The following ACAN variants were observed in gnomAD, a reference collection of about 807,000 sequenced individuals.
ACAN encodes aggrecan, also known as aggrecan core protein.
Under a neutral mutation model 169.1 loss-of-function variants are expected in ACAN, and 47 were observed. That is an observed-to-expected ratio of 0.28 (90% CI 0.22 to 0.35). The LOEUF (loss-of-function observed/expected upper bound fraction) is 0.35. Among genes scored for constraint, ACAN ranks in the 10% least tolerant of loss-of-function variants. The probability of loss-of-function intolerance (pLI) is 1.00; values close to 1 mark genes in which losing one functional copy is unlikely to be tolerated. For synonymous variants in ACAN, 1,115 were observed against 1,112.2 expected (o/e 1.00, Z -0.05); for missense variants, 2,716 against 2,759.9 (o/e 0.98, Z 0.36).
Position 88,858,262 on chromosome 15 carries a change from G to A in ACAN, c.5677G>A (p.Glu1893Lys). ...CAGTGGGTTTACATCCCAGACTCCG[G>A]AATTCAGTGGCCTACCAAGTGGCAT... is the stretch of plus-strand genomic sequence containing the variant. ...DSSGFTSQTP[E>K]FSGLPSGIAE... Residue 1893 changes from glutamate to lysine, a missense_variant, in exon 12 of 19, where the codon GAA becomes AAA. Physicochemically the swap from Glu to Lys is moderately conservative, Grantham distance 56. Coordinates refer to ENST00000560601, the MANE Select transcript of ACAN (RefSeq NM_001369268.1). The surrounding 1 kb of genome is among the most constrained non-coding windows in gnomAD (Gnocchi z 4.0). The A allele has an allele frequency of 6.2e-7, 1 of 1,613,964 alleles. No homozygotes were observed. The highest frequency in any genetic ancestry group is 8.5e-7 in the Non-Finnish European group (1 of 1,179,906).
In ACAN at chr15:88,847,813, C is replaced by A. The variant is rs1011374427; in HGVS notation, c.1605-98C>A. 7.0e-6 allele frequency: 10 copies of A among 1,434,764 alleles called. No homozygotes were observed. In the African/African-American group the frequency reaches 1.3e-4, roughly 18 times the overall value. The allele number at this position is 1,434,764 out of a possible 1,614,324, so 88.9% of individuals were successfully genotyped here. A position where few individuals can be genotyped will look rare whatever the true frequency, so the allele number is the denominator to read the frequency against. On this transcript the variant is annotated intron_variant, in intron 8 of 18. Transcript: ENST00000560601. ...AATACCACCAGACAACTGAAGACAT[C>A]TCCAAGTCCCTGAGTAGCCTCTGGC...
At chr15:88,852,360 C>G (rs1280895585) in intron 11 of ACAN, among the ~76,000 whole-genome samples, 2 of 152,224 alleles carry the variant, frequency 1.3e-5, no homozygotes, top group African/African-American at 4.8e-5. Flanking sequence ...CCTGCACTGA[C>G]ACCCTTACCC....
In ACAN at chr15:88,855,185, G is replaced by A; in HGVS notation, c.2600G>A (p.Ser867Asn). 6.2e-7 allele frequency: 1 copy of A among 1,608,040 alleles called. No individual in the cohort carries two copies. The highest frequency in any genetic ancestry group is 8.5e-7 in the Non-Finnish European group (1 of 1,176,184). ...GAGGAATCTGGGGCCCCTGATGTCA[G>A]TGGTGACTTCACAGGCAGTGGAGAT... is the stretch of plus-strand genomic sequence containing the variant. The part of the protein sequence containing the change: ...SGEESGAPDV[S>N]GDFTGSGDVS... The change falls in exon 12 of 19, where the codon AGT becomes AAT. Residue 867 changes from serine (S) to asparagine (N), a missense_variant. By Grantham distance (46) the Ser-to-Asn change is conservative. Around this residue, in one of 3 missense-constraint regions of ACAN, gnomAD observed 1,283 missense variants for 1,281.5 expected, o/e 1.00. Transcript: ENST00000560601.
At chr15:88,812,885 C>T (rs1037230406) in intron 1 of ACAN, among the ~76,000 whole-genome samples, 1 of 152,130 alleles carries the variant, frequency 6.6e-6, no homozygotes, top group Non-Finnish European at 1.5e-5. Context: ...CTCCACTTCC[C>T]TTCCTGAGAC....
rs1253457899 is a variant in ACAN, at chr15:88,849,822, T to C, written c.2026+91T>C. 1 of 1,509,362 alleles carries C rather than the reference T, an allele frequency of 6.6e-7. No individual in the cohort carries two copies. The highest frequency in any genetic ancestry group is 1.4e-5 in the African/African-American group (1 of 72,138). 93.5% of individuals were successfully genotyped at this position (1,509,362 alleles called of 1,614,324 possible). A position where few individuals can be genotyped will look rare whatever the true frequency, so the allele number is the denominator to read the frequency against. ...GATCCTGCCACCACCCAGTATCCCA[T>C]CCATCAGAGCAAGAAAATGTCAGTC... is the stretch of plus-strand genomic sequence containing the variant. On this transcript the variant is annotated intron_variant, in intron 10 of 18. Coordinates refer to ENST00000560601, the MANE Select transcript of ACAN (RefSeq NM_001369268.1). This position sits in a 1 kb window ranked among gnomAD's most constrained non-coding sequence, Gnocchi z 5.1.
chr15:88,819,531 G>A (rs779907781), intron 1 of ACAN, among the ~76,000 whole-genome samples: 1 of 151,564 alleles, frequency 6.6e-6, no homozygotes, highest in African/African-American at 2.4e-5. Flanking sequence ...GGAAGGTTGA[G>A]GTGGGGGAAT....
chr15:88,845,988 G>C, intron 7 of ACAN, 106 bp downstream of exon 7: 1 of 1,229,936 alleles, frequency 8.1e-7, no homozygotes, highest in East Asian at 2.6e-5. Flanking sequence ...AACCTGGCAC[G>C]TGGGACAATG....
At position 88,858,859 on chromosome 15, in the gene ACAN, G is replaced by T. The variant is rs2141612306; in HGVS notation, c.6274G>T (p.Glu2092Ter). Residue 2092 changes from glutamate (E) to a stop codon, truncating the protein, a stop_gained, in exon 12 of 19, where the codon GAA (glutamate) becomes TAA (stop). Coordinates refer to ENST00000560601, the MANE Select transcript of ACAN (RefSeq NM_001369268.1). LOFTEE classifies it high-confidence loss of function. The surrounding 1 kb of genome is among the most constrained non-coding windows in gnomAD (Gnocchi z 4.0). Reference protein sequence around the residue: ...ATPVLPGSGVEVSSVPESSSE... With the variant: ...ATPVLPGSGV ...CCCAGTGCTCCCTGGGTCTGGAGTA[G>T]AAGTATCATCAGTCCCAGAATCTAG... 6.2e-7 allele frequency: 1 copy of T among 1,612,856 alleles called. No homozygotes were observed. Among genetic ancestry groups the T allele is most frequent in the Non-Finnish European group, 8.5e-7 (1 of 1,179,220 alleles).
At chr15:88,848,177 C>G (rs771559372) in intron 9 of ACAN, 139 bp downstream of exon 9, 2 of 1,319,268 alleles carry the variant, frequency 1.5e-6, no homozygotes, top group African/African-American at 1.5e-5. Context: ...GGAAAGGGTC[C>G]TGCTGAAAAA....
At chr15:88,837,472 C>A (rs1386191235) in intron 2 of ACAN, among the ~76,000 whole-genome samples, 1 of 152,200 alleles carries the variant, frequency 6.6e-6, no homozygotes, top group African/African-American at 2.4e-5. Flanking sequence ...GGGACAAGGG[C>A]CTTCATTTGT....
In ACAN at chr15:88,849,635, G is replaced by C. The variant is rs762106035; in HGVS notation, c.1930G>C (p.Gly644Arg). The change falls in exon 10 of 19, where the codon GGT (glycine) becomes CGT (arginine). Residue 644 changes from glycine to arginine, a missense_variant. Gly to Arg is a moderately radical substitution (Grantham distance 125). Around this residue, in one of 3 missense-constraint regions of ACAN, gnomAD observed 1,283 missense variants for 1,281.5 expected, o/e 1.00. Transcript: ENST00000560601. The surrounding 1 kb of genome is among the most constrained non-coding windows in gnomAD (Gnocchi z 5.1). ...YPIVTPRPACGGDKPGVRTVY... is the reference protein window; with the variant it reads ...YPIVTPRPACRGDKPGVRTVY... Reference sequence around the variant, plus strand: ...CATCGTCACCCCAAGGCCTGCCTGCGGTGGGGACAAGCCAGGCGTGAGAAC... The same window carrying C: ...CATCGTCACCCCAAGGCCTGCCTGCCGTGGGGACAAGCCAGGCGTGAGAAC... 5 of 1,612,970 alleles carry C rather than the reference G, an allele frequency of 3.1e-6. No homozygotes were observed. The highest frequency in any genetic ancestry group is 4.2e-6 in the Non-Finnish European group (5 of 1,179,670).
At chr15:88,841,655 C>G in intron 4 of ACAN, 85 bp from the exon 5 acceptor site, 1 of 1,550,124 alleles carries the variant, frequency 6.5e-7, no homozygotes, top group Non-Finnish European at 8.9e-7. Flanking sequence ...GCTGTTTCCT[C>G]CCACGGGAGG....
Position 88,838,681 on chromosome 15 carries a change from G to C in ACAN, c.89G>C (p.Ser30Thr). The change falls in exon 3 of 19, where the codon AGT (serine) becomes ACT (threonine). Residue 30 changes from serine to threonine, a missense_variant. By Grantham distance (58) the Ser-to-Thr change is moderately conservative. Coordinates refer to ENST00000560601, the MANE Select transcript of ACAN (RefSeq NM_001369268.1). This position sits in a 1 kb window ranked among gnomAD's most constrained non-coding sequence, Gnocchi z 5.1. Reference sequence around the variant, plus strand: ...CACACAGACCATGACAACTCGCTGAGTGTCAGCATCCCCCAACCGTCCCCG... The same window carrying C: ...CACACAGACCATGACAACTCGCTGACTGTCAGCATCCCCCAACCGTCCCCG... Reference protein sequence around the residue: ...VETSDHDNSLSVSIPQPSPLR... With the variant: ...VETSDHDNSLTVSIPQPSPLR... 1.3e-6 allele frequency: 2 copies of C among 1,589,636 alleles called. No individual in the cohort carries two copies. Among genetic ancestry groups the C allele is most frequent in the Non-Finnish European group, 1.7e-6 (2 of 1,166,494 alleles).
Position 88,842,763 on chromosome 15 carries a change from C to A in ACAN, c.758-592C>A, listed in dbSNP as rs577052864. Among the ~76,000 whole-genome samples, 3 of 152,320 alleles carry A rather than the reference C, an allele frequency of 2.0e-5. No individual in the cohort carries two copies. In the South Asian group the frequency reaches 6.2e-4, roughly 32 times the overall value. On this transcript the variant is annotated intron_variant, in intron 5 of 18. Transcript: ENST00000560601. ...TGCCACTGAGCAGGGGTAGCCAGAA[C>A]CACCCCTGTGAGTGGATGCCGTCCG...
chr15:88,843,244 G>A lies in ACAN; in HGVS notation c.758-111G>A. The A allele has an allele frequency of 1.0e-6, 1 of 1,003,938 alleles. No homozygotes were observed. Among genetic ancestry groups the A allele is most frequent in the South Asian group, 2.1e-5 (1 of 46,622 alleles). 62.2% of individuals were successfully genotyped at this position (1,003,938 alleles called of 1,614,324 possible). A position where few individuals can be genotyped will look rare whatever the true frequency, so the allele number is the denominator to read the frequency against. On this transcript the variant is annotated intron_variant, in intron 5 of 18. Transcript: ENST00000560601. This position sits in a 1 kb window ranked among gnomAD's most constrained non-coding sequence, Gnocchi z 4.0. ...TGCAGACATATGGGACCAGGACTTT[G>A]GGAAGTTAAAGGACTCCCAAGACCT...
At chr15:88,826,283 A>G (rs1896216609) in intron 1 of ACAN, among the ~76,000 whole-genome samples, 1 of 152,130 alleles carries the variant, frequency 6.6e-6, no homozygotes. Context: ...AGCTCTTGAA[A>G]AAGCTCATCC....
chr15:88,854,927 C>A lies in ACAN; in HGVS notation c.2342C>A (p.Pro781His). Reference protein sequence around the residue: ...STEGPSATEVPSASEEPSPSE... With the variant: ...STEGPSATEVHSASEEPSPSE... ...GAAGGCCCTTCTGCAACTGAAGTGCCCTCTGCCTCAGAGGAACCATCCCCC... is the reference window on the plus strand; with the variant it reads ...GAAGGCCCTTCTGCAACTGAAGTGCACTCTGCCTCAGAGGAACCATCCCCC... The change falls in exon 12 of 19, where the codon CCC (proline) becomes CAC (histidine). Residue 781 changes from proline (P) to histidine (H), a missense_variant. Around this residue, in one of 3 missense-constraint regions of ACAN, gnomAD observed 1,283 missense variants for 1,281.5 expected, o/e 1.00. Coordinates refer to ENST00000560601, the MANE Select transcript of ACAN (RefSeq NM_001369268.1). The A allele has an allele frequency of 6.3e-7, 1 of 1,590,630 alleles. No individual in the cohort carries two copies.
At chr15:88,842,358 G>C (rs2141573534) in intron 5 of ACAN, among the ~76,000 whole-genome samples, 1 of 152,322 alleles carries the variant, frequency 6.6e-6, no homozygotes, top group Middle Eastern at 3.4e-3. Flanking sequence ...GGGCAGTGGA[G>C]AGGAACCTGG....
intron 1 of ACAN, among the ~76,000 whole-genome samples, chr15:88,815,328 G>C (rs1895911725): frequency 6.6e-6 from 1 of 152,088 alleles, no homozygotes; most frequent in African/African-American, 2.4e-5. Context: ...AGAGGCCGAG[G>C]TGGGAGGATC....
Sources: allele counts gnomAD v4.1 joint callset (sites outside exome capture counted in the v4.1 genomes callset), GRCh38; gene constraint gnomAD v4.1.1; regional missense constraint gnomAD v4.1.1; non-coding constraint Gnocchi (gnomAD v3.1); transcripts MANE v1.5; gene names NCBI Gene and HGNC (gene_info 2026-07-23, HGNC 2026-07-21).